MARCHF1: variants seen among roughly 807,000 people sequenced by gnomAD.
MARCHF1 encodes membrane associated ring-CH-type finger 1.
A neutral mutation model predicts 54.2 loss-of-function variants in MARCHF1; 40 were observed. The ratio of observed to expected loss-of-function variants is 0.74; its 90% confidence interval spans 0.57 to 0.96. MARCHF1 has a LOEUF of 0.96. Among genes scored for constraint, MARCHF1 ranks in the 40% least tolerant of loss-of-function variants. MARCHF1 has a pLI of 0.00. For missense variants in MARCHF1, 586 were observed against 656.5 expected, an observed-to-expected ratio of 0.89 and a Z score of 1.17; for synonymous variants, 236 against 236.3, an observed-to-expected ratio of 1.00 and a Z score of 0.01.
intron 4 of MARCHF1, among the ~76,000 whole-genome samples, chr4:163,780,531 A>G (rs1170218899): frequency 6.6e-6 from 1 of 152,176 alleles, no homozygotes; most frequent in African/African-American, 2.4e-5. Flanking sequence ...GGCTTGTCAA[A>G]TAGAAGGGGT....
At chr4:163,647,233 T>C (rs887783380) in intron 5 of MARCHF1, among the ~76,000 whole-genome samples, 8 of 152,060 alleles carry the variant, frequency 5.3e-5, no homozygotes, top group African/African-American at 1.9e-4. Flanking sequence ...GTATAATATA[T>C]GCACAGTATT....
In MARCHF1 at chr4:163,619,838, G is replaced by GA. The variant is rs548299642; in HGVS notation, c.163-6446dup. ...GTTTAATTAATGTTTATAATAGGTG[G>GA]AAAAAATCCTTTTCTTATGATGATG... On this transcript the variant is annotated intron_variant, in intron 5 of 9. Transcript: ENST00000514618. Among the ~76,000 whole-genome samples the GA allele has an allele frequency of 1.4e-3, 214 of 151,924 alleles. 1 individual carries two copies. Among genetic ancestry groups the GA allele is most frequent in the Middle Eastern group, 0.014 (4 of 294 alleles).
Position 163,655,622 on chromosome 4 carries a change from G to A in MARCHF1, c.163-42229C>T, listed in dbSNP as rs536324417. Among the ~76,000 whole-genome samples the A allele has an allele frequency of 3.3e-5, 5 of 151,592 alleles. No individual in the cohort carries two copies. In the East Asian group the frequency reaches 9.7e-4, roughly 29 times the overall value. ...ATATACATTTTTCTTGGTGTTACATGGAACTTACTCTAAAATTGATTGCCT... is the reference window on the plus strand; with the variant it reads ...ATATACATTTTTCTTGGTGTTACATAGAACTTACTCTAAAATTGATTGCCT... On this transcript the variant is annotated intron_variant, in intron 5 of 9. Coordinates refer to ENST00000514618, the MANE Select transcript of MARCHF1 (RefSeq NM_001394959.1).
At chr4:163,700,283 G>C (rs1744766607) in intron 5 of MARCHF1, among the ~76,000 whole-genome samples, 1 of 152,026 alleles carries the variant, frequency 6.6e-6, no homozygotes, top group Non-Finnish European at 1.5e-5. Context: ...GAGGAGGGTG[G>C]ATCATGAGCT....
rs1287282024 is a variant in MARCHF1 at position 163,757,087 on chromosome 4, C to G, written c.112-56224G>C. Reference sequence around the variant, plus strand: ...TGAAATATTTTTTCCTTAAACTCAACTTTTCCTACATCAAAATCTTTGTTA... The same window carrying G: ...TGAAATATTTTTTCCTTAAACTCAAGTTTTCCTACATCAAAATCTTTGTTA... On this transcript the variant is annotated intron_variant, in intron 4 of 9. Coordinates refer to ENST00000514618, the MANE Select transcript of MARCHF1 (RefSeq NM_001394959.1). 2.6e-5 allele frequency among the ~76,000 whole-genome samples: 4 copies of G among 152,282 alleles called. No homozygotes were observed. In the East Asian group the frequency reaches 7.7e-4, roughly 29 times the overall value.
At chr4:163,696,280 C>A (rs1744630347) in intron 5 of MARCHF1, among the ~76,000 whole-genome samples, 1 of 152,228 alleles carries the variant, frequency 6.6e-6, no homozygotes, top group Admixed American at 6.5e-5. Flanking sequence ...TGTTCACGAG[C>A]AATTGCACAT....
chr4:164,144,386 C>A (rs1287839227), intron 1 of MARCHF1, among the ~76,000 whole-genome samples: 1 of 150,882 alleles, frequency 6.6e-6, no homozygotes, highest in African/African-American at 2.5e-5. Context: ...CAGCACCACA[C>A]CACACCTATT....
intron 4 of MARCHF1, among the ~76,000 whole-genome samples, chr4:163,740,622 A>G (rs1579246207): frequency 6.6e-6 from 1 of 152,292 alleles, no homozygotes; most frequent in East Asian, 1.9e-4. Flanking sequence ...CCTGCCCTTT[A>G]CTGTATACTA....
intron 1 of MARCHF1, among the ~76,000 whole-genome samples, chr4:164,148,785 T>C (rs1729847313): frequency 7.5e-6 from 1 of 133,442 alleles, no homozygotes; most frequent in South Asian, 2.5e-4. Context: ...TAGAAGGTTC[T>C]AGCAAATATT....
chr4:163,589,548 T>C (rs1560959400), intron 7 of MARCHF1, among the ~76,000 whole-genome samples: 1 of 152,074 alleles, frequency 6.6e-6, no homozygotes, highest in East Asian at 1.9e-4. Flanking sequence ...AAAAGCTAAA[T>C]ATCAACTTCA....
intron 1 of MARCHF1, among the ~76,000 whole-genome samples, chr4:164,252,900 A>AAG (rs1193735728): frequency 6.6e-6 from 1 of 152,122 alleles, no homozygotes; most frequent in African/African-American, 2.4e-5. Flanking sequence ...GAGTGGACAA[A>AAG]AGAGATAATG....
At chr4:163,905,391 C>T (rs911254364) in intron 3 of MARCHF1, among the ~76,000 whole-genome samples, 5 of 152,078 alleles carry the variant, frequency 3.3e-5, no homozygotes, top group African/African-American at 1.2e-4. Flanking sequence ...GATTACTCTC[C>T]AGACTGTTTA....
At chr4:164,340,406 T>TATATAC (rs1491357724) in intron 1 of MARCHF1, among the ~76,000 whole-genome samples, 2 of 80,710 alleles carry the variant, frequency 2.5e-5, no homozygotes, top group African/African-American at 7.2e-5. Context: ...GGCCTTGATT[T>TATATAC]ATATATAGAT....
At chr4:164,263,412 G>A (rs560843973) in intron 1 of MARCHF1, among the ~76,000 whole-genome samples, 18 of 151,922 alleles carry the variant, frequency 1.2e-4, no homozygotes, top group Non-Finnish European at 2.6e-4. Flanking sequence ...ATGTGGTTTT[G>A]CTATGTCACT....
chr4:164,134,305 A>T (rs1756357482), intron 1 of MARCHF1, among the ~76,000 whole-genome samples: 2 of 152,096 alleles, frequency 1.3e-5, no homozygotes, highest in Admixed American at 1.3e-4. Context: ...TTATTTTAAA[A>T]CTCAGGTAAT....
At chr4:163,756,992 G>C (rs761746076) in intron 4 of MARCHF1, among the ~76,000 whole-genome samples, 1 of 152,128 alleles carries the variant, frequency 6.6e-6, no homozygotes, top group African/African-American at 2.4e-5. Flanking sequence ...AGAAGAAATG[G>C]GCTGCCCATC....
intron 2 of MARCHF1, among the ~76,000 whole-genome samples, chr4:164,104,046 T>C (rs1240541937): frequency 6.6e-6 from 1 of 151,406 alleles, no homozygotes; most frequent in Non-Finnish European, 1.5e-5. Flanking sequence ...ACACATGCAC[T>C]CTCCCAAGAC....
chr4:163,688,037 G>T (rs191533380), intron 5 of MARCHF1, among the ~76,000 whole-genome samples: 1 of 152,208 alleles, frequency 6.6e-6, no homozygotes, highest in African/African-American at 2.4e-5. Flanking sequence ...ATCCAAATAG[G>T]CTATGCACAT....
At chr4:164,301,095 A>G (rs559012710) in intron 1 of MARCHF1, among the ~76,000 whole-genome samples, 17 of 152,294 alleles carry the variant, frequency 1.1e-4, no homozygotes, top group African/African-American at 3.6e-4. Flanking sequence ...CAGATCTTAA[A>G]GTGCCCTTAT....
Sources: allele counts gnomAD v4.1 joint callset (sites outside exome capture counted in the v4.1 genomes callset), GRCh38; gene constraint gnomAD v4.1.1; transcripts MANE v1.5; gene names NCBI Gene and HGNC (gene_info 2026-07-23, HGNC 2026-07-21).